LRRC37B: variants seen among roughly 807,000 people sequenced by gnomAD.
LRRC37B encodes the protein leucine-rich repeat-containing protein 37B.
LRRC37B carries 28 observed loss-of-function variants against 98.3 expected under a neutral mutation model. The observed-to-expected ratio is 0.28, with a 90% CI of 0.21 to 0.39. The LOEUF is 0.39. Ranked by LOEUF, LRRC37B falls within the 10% of genes least tolerant of loss-of-function variation. The pLI is 1.00. For synonymous variants in LRRC37B, 364 were observed against 442.7 expected, an observed-to-expected ratio of 0.82 and a Z score of 2.23; for missense variants, 938 against 1,182.7, an observed-to-expected ratio of 0.79 and a Z score of 3.03.
chr17:32,023,730 T>C (rs1910867192), intron 1 of LRRC37B, among the ~76,000 whole-genome samples: 1 of 152,268 alleles, frequency 6.6e-6, no homozygotes, highest in African/African-American at 2.4e-5. Context: ...CCTTTAGTTA[T>C]GTCCAGAACT....
intron 7 of LRRC37B, among the ~76,000 whole-genome samples, chr17:32,043,425 G>A (rs1419650741): frequency 6.6e-6 from 1 of 152,056 alleles, no homozygotes; most frequent in African/African-American, 2.4e-5. Context: ...GCCAGGTGTG[G>A]TGGCACGCAC....
At chr17:32,019,072 A>G (rs1401137341), upstream of LRRC37B, among the ~76,000 whole-genome samples, 1 of 152,058 alleles carries the variant, frequency 6.6e-6, no homozygotes, top group Admixed American at 6.6e-5. Flanking sequence ...GATTATAGGC[A>G]CGCACCACCA....
At chr17:32,020,243 C>T (rs1191428948), upstream of LRRC37B, among the ~76,000 whole-genome samples, 1 of 152,116 alleles carries the variant, frequency 6.6e-6, no homozygotes, top group Admixed American at 6.5e-5. Context: ...GATAATTGTG[C>T]CAGACAGTAA....
chr17:32,024,781 C>A, exon 2 of LRRC37B: 1 of 1,604,726 alleles, frequency 6.2e-7, no homozygotes, highest in South Asian at 1.1e-5. Context: ...GACCGAGAAA[C>A]TGTGAGTATA....
rs904109172 is a variant in LRRC37B, at chr17:32,048,043, G to A, written c.2464+142G>A. 5.0e-6 allele frequency: 7 copies of A among 1,407,700 alleles called. No individual in the cohort carries two copies. In the African/African-American group the frequency reaches 8.5e-5, roughly 17 times the overall value. 87.2% of individuals were successfully genotyped at this position (1,407,700 alleles called of 1,614,324 possible). On this transcript the variant is annotated intron_variant, in intron 9 of 11. Coordinates refer to ENST00000327564, the Ensembl canonical transcript of LRRC37B. ...CAGCTATTTTCAAATGTACAAGATG[G>A]AGATAGGCTCCTGAGTATTTTGAAA...
intron 5 of LRRC37B, among the ~76,000 whole-genome samples, chr17:32,032,441 C>G (rs1183505683): frequency 6.6e-6 from 1 of 152,154 alleles, no homozygotes; most frequent in African/African-American, 2.4e-5. Flanking sequence ...TACTCTTCTA[C>G]CGTAAGTGCA....
At chr17:32,034,392 C>G (rs1040197627) in intron 5 of LRRC37B, among the ~76,000 whole-genome samples, 2 of 150,892 alleles carry the variant, frequency 1.3e-5, no homozygotes, top group African/African-American at 4.9e-5. Context: ...ATCCCAGCTA[C>G]TCAGGAGGCT....
exon 1 of LRRC37B, chr17:32,022,296 C>G (rs1435516942): frequency 6.2e-7 from 1 of 1,613,970 alleles, no homozygotes; most frequent in Admixed American, 1.7e-5. Flanking sequence ...TTCTACAGCC[C>G]TGAGGACTAC....
intron 1 of LRRC37B, 52 bp downstream of exon 1, chr17:32,008,184 C>A (rs556552526): frequency 3.0e-4 from 68 of 229,506 alleles, no homozygotes; most frequent in Non-Finnish European, 5.2e-4. Flanking sequence ...CCTCTCCCCT[C>A]CCCCCTTGCT....
intron 6 of LRRC37B, 27 bp downstream of exon 9, chr17:32,035,008 C>T (rs754560069): frequency 8.5e-6 from 12 of 1,416,150 alleles, no homozygotes; most frequent in Non-Finnish European, 1.2e-5. Flanking sequence ...TCTCATGAGT[C>T]ATGAGATGAT....
At chr17:32,029,654 C>T (rs963829340) in intron 3 of LRRC37B, among the ~76,000 whole-genome samples, 1 of 151,982 alleles carries the variant, frequency 6.6e-6, no homozygotes, top group African/African-American at 2.4e-5. Flanking sequence ...AAGGGCAAAA[C>T]ACAGGAAAGT....
At chr17:32,019,333 A>T (rs1910713316), upstream of LRRC37B, among the ~76,000 whole-genome samples, 1 of 152,232 alleles carries the variant, frequency 6.6e-6, no homozygotes, top group African/African-American at 2.4e-5. Context: ...GTACAGTAAC[A>T]TACAGTACAG....
intron 7 of LRRC37B, chr17:32,040,494 G>A: frequency 1.5e-6 from 1 of 673,252 alleles, no homozygotes. Flanking sequence ...TCAGTGAGAA[G>A]GTCGGAGGGG....
At chr17:32,011,607 C>T (rs200824964) in intron 1 of LRRC37B, among the ~76,000 whole-genome samples, 9 of 152,142 alleles carry the variant, frequency 5.9e-5, no homozygotes, top group African/African-American at 1.9e-4. Flanking sequence ...AAATGATTCT[C>T]GTGCCTCAGC....
intron 1 of LRRC37B, among the ~76,000 whole-genome samples, chr17:32,009,265 ATCT>A (rs1302355802): frequency 6.7e-6 from 1 of 149,784 alleles, no homozygotes; most frequent in African/African-American, 2.5e-5. Flanking sequence ...AAATACTAAA[ATCT>A]TTTTTTTTTT....
At chr17:32,038,400 G>A (rs1911313476) in intron 7 of LRRC37B, among the ~76,000 whole-genome samples, 2 of 151,610 alleles carry the variant, frequency 1.3e-5, no homozygotes, top group African/African-American at 2.4e-5. Flanking sequence ...TCGAGGCTCT[G>A]CAGTGAGCTG....
intron 1 of LRRC37B, among the ~76,000 whole-genome samples, chr17:32,014,318 T>A (rs939739288): frequency 1.3e-5 from 2 of 152,202 alleles, no homozygotes; most frequent in Admixed American, 1.3e-4. Context: ...GTCCCCAGCT[T>A]TAAGCCTTTC....
At chr17:32,022,225 C>A in exon 1 of LRRC37B, 1 of 1,613,180 alleles carries the variant, frequency 6.2e-7, no homozygotes, top group Non-Finnish European at 8.5e-7. Context: ...AAAAATGAGA[C>A]AGAATCTACC....
At chr17:32,017,776 A>G (rs1910677915), upstream of LRRC37B, among the ~76,000 whole-genome samples, 1 of 152,106 alleles carries the variant, frequency 6.6e-6, no homozygotes, top group Non-Finnish European at 1.5e-5. Flanking sequence ...TGGGTGACAG[A>G]GTGAGACCCA....
Sources: allele counts gnomAD v4.1 joint callset (sites outside exome capture counted in the v4.1 genomes callset), GRCh38; gene constraint gnomAD v4.1.1; transcripts MANE v1.5; gene names NCBI Gene and HGNC (gene_info 2026-07-23, HGNC 2026-07-21).